Variants in NLK observed in about 807,000 individuals in gnomAD.
NLK encodes nemo like kinase, also known as serine/threonine-protein kinase NLK.
In NLK, 11 loss-of-function variants were observed where a neutral mutation model predicts 59.0. That is an observed-to-expected ratio of 0.19 (90% CI 0.12 to 0.31). The LOEUF (loss-of-function observed/expected upper bound fraction) is 0.31. Ranked by LOEUF, NLK falls within the 10% of genes least tolerant of loss-of-function variation. The pLI is 1.00. For missense variants in NLK, 410 were observed against 661.1 expected (o/e 0.62, Z 4.16); for synonymous variants, 235 against 235.9 (o/e 1.00, Z 0.03).
intron 1 of NLK, among the ~76,000 whole-genome samples, chr17:28,112,521 T>C (rs554329619): frequency 6.6e-6 from 1 of 152,216 alleles, no homozygotes; most frequent in Non-Finnish European, 1.5e-5. Context: ...GTCATTTGAC[T>C]TTGGCCATTT....
chr17:28,133,756 G>A (rs940321052), intron 3 of NLK, among the ~76,000 whole-genome samples: 4 of 152,072 alleles, frequency 2.6e-5, no homozygotes, highest in Non-Finnish European at 5.9e-5. Flanking sequence ...TAATACTTTA[G>A]GCCTATGACT....
intron 3 of NLK, among the ~76,000 whole-genome samples, chr17:28,143,326 G>A (rs1481051329): frequency 6.6e-6 from 1 of 152,088 alleles, no homozygotes; most frequent in Non-Finnish European, 1.5e-5. Flanking sequence ...ACAGCCATGA[G>A]CCACCATGCC....
intron 1 of NLK, among the ~76,000 whole-genome samples, chr17:28,067,570 A>G (rs1006850320): frequency 6.6e-6 from 1 of 151,858 alleles, no homozygotes; most frequent in Admixed American, 6.6e-5. Context: ...AAAGTAGTGG[A>G]AAAAAATTTT....
At chr17:28,079,754 T>C (rs777340880) in intron 1 of NLK, among the ~76,000 whole-genome samples, 6 of 152,292 alleles carry the variant, frequency 3.9e-5, no homozygotes, top group South Asian at 2.1e-4. Context: ...TTTGCAAATA[T>C]TTTTTCCCAT....
intron 3 of NLK, among the ~76,000 whole-genome samples, chr17:28,143,887 T>G (rs947403004): frequency 1.3e-5 from 2 of 152,234 alleles, no homozygotes; most frequent in African/African-American, 4.8e-5. Context: ...ATTAAAAGCG[T>G]TTATTCAGCA....
At chr17:28,051,795 CATTT>C (rs1404899802) in intron 1 of NLK, among the ~76,000 whole-genome samples, 1 of 151,952 alleles carries the variant, frequency 6.6e-6, no homozygotes, top group Non-Finnish European at 1.5e-5. Context: ...TTGGTTTTCT[CATTT>C]ATAAAATCCT....
chr17:28,044,411 TG>T (rs1243117106), intron 1 of NLK, among the ~76,000 whole-genome samples: 15 of 152,238 alleles, frequency 9.9e-5, no homozygotes, highest in African/African-American at 3.6e-4. Context: ...AATTGATGGG[TG>T]CATTGTTTAT....
intron 6 of NLK, among the ~76,000 whole-genome samples, chr17:28,172,061 T>C (rs529355153): frequency 1.9e-4 from 29 of 150,924 alleles, no homozygotes; most frequent in African/African-American, 6.6e-4. Context: ...ATAAATAATA[T>C]GTTAAATAGG....
At chr17:28,055,525 G>A (rs989625851) in intron 1 of NLK, among the ~76,000 whole-genome samples, 4 of 151,596 alleles carry the variant, frequency 2.6e-5, no homozygotes, top group African/African-American at 2.4e-5. Flanking sequence ...TTAAGAGGTG[G>A]TGGTCCTGGG....
At chr17:28,156,662 T>C (rs940946067) in intron 3 of NLK, among the ~76,000 whole-genome samples, 1 of 152,230 alleles carries the variant, frequency 6.6e-6, no homozygotes, top group African/African-American at 2.4e-5. Flanking sequence ...CTTCATAATG[T>C]CTTGTTTTTT....
intron 1 of NLK, among the ~76,000 whole-genome samples, chr17:28,067,458 T>A (rs779780294): frequency 4.0e-5 from 6 of 151,752 alleles, no homozygotes; most frequent in Admixed American, 6.6e-5. Flanking sequence ...TAGAACTCTC[T>A]AACAGTCTCT....
In NLK at chr17:28,111,861, C is replaced by CGTGTGT. The variant is rs144479598; in HGVS notation, c.459-10712_459-10707dup. 9.0e-3 allele frequency among the ~76,000 whole-genome samples: 664 copies of CGTGTGT among 73,928 alleles called. 23 individuals are homozygous for CGTGTGT. Among genetic ancestry groups the CGTGTGT allele is most frequent in the Non-Finnish European group, 0.01 (375 of 37,334 alleles). 48.5% of individuals were successfully genotyped at this position (73,928 alleles called of 152,430 possible). A position where few individuals can be genotyped will look rare whatever the true frequency, so the allele number is the denominator to read the frequency against. ...CATTTTGAGCTAATAAGGCTTATAC[C>CGTGTGT]GTGTGTGTGTGTGTGTGTGTGTGTG... On this transcript the variant is annotated intron_variant, in intron 1 of 10. Transcript: ENST00000407008.
chr17:28,157,955 T>G (rs187625169), intron 3 of NLK, among the ~76,000 whole-genome samples: 1 of 152,192 alleles, frequency 6.6e-6, no homozygotes, highest in Non-Finnish European at 1.5e-5. Context: ...TCTAAGAGTT[T>G]AGGATAAATT....
intron 7 of NLK, among the ~76,000 whole-genome samples, chr17:28,175,862 C>T (rs1320630488): frequency 1.3e-5 from 2 of 152,106 alleles, no homozygotes; most frequent in Non-Finnish European, 2.9e-5. Flanking sequence ...GGTGGTTCAC[C>T]TACAGAAAAT....
chr17:28,055,486 C>A (rs914666183), intron 1 of NLK, among the ~76,000 whole-genome samples: 1 of 151,586 alleles, frequency 6.6e-6, no homozygotes, highest in Non-Finnish European at 1.5e-5. Context: ...GTAGGTGTAA[C>A]CCACTACACC....
intron 1 of NLK, among the ~76,000 whole-genome samples, chr17:28,071,005 A>G (rs901733322): frequency 4.6e-5 from 7 of 152,184 alleles, no homozygotes; most frequent in Non-Finnish European, 8.8e-5. Context: ...TCTCAGCACT[A>G]TTGACATTTT....
intron 2 of NLK, among the ~76,000 whole-genome samples, chr17:28,130,346 C>A (rs970498271): frequency 2.6e-5 from 4 of 151,926 alleles, no homozygotes; most frequent in African/African-American, 4.8e-5. Context: ...CTGTTTTTAC[C>A]ACCTAGAAGC....
chr17:28,198,905 A>G (rs1193562640), downstream of NLK, among the ~76,000 whole-genome samples: 1 of 152,234 alleles, frequency 6.6e-6, no homozygotes, highest in Non-Finnish European at 1.5e-5. Flanking sequence ...GGACACTAGG[A>G]AGAAATACTG....
chr17:28,132,963 G>A (rs1906581679), intron 3 of NLK, among the ~76,000 whole-genome samples: 1 of 152,176 alleles, frequency 6.6e-6, no homozygotes, highest in African/African-American at 2.4e-5. Context: ...GATGAAACCA[G>A]TGAGGCAGCT....
Sources: allele counts gnomAD v4.1 joint callset (sites outside exome capture counted in the v4.1 genomes callset), GRCh38; gene constraint gnomAD v4.1.1; transcripts MANE v1.5; gene names NCBI Gene and HGNC (gene_info 2026-07-23, HGNC 2026-07-21).